The following GAS2 variants were observed in gnomAD, a reference collection of about 807,000 sequenced individuals.
The protein encoded by GAS2 is growth arrest specific 2, also known as growth arrest-specific protein 2.
GAS2 carries 20 observed loss-of-function variants against 37.5 expected under a neutral mutation model. That is an observed-to-expected ratio of 0.53 (90% confidence interval 0.37 to 0.77). The LOEUF is 0.77. Ranked by LOEUF, GAS2 falls within the 30% of genes least tolerant of loss-of-function variation. The pLI is 0.00. For synonymous variants in GAS2, 144 were observed against 132.2 expected, an observed-to-expected ratio of 1.09 and a Z score of -0.61; for missense variants, 336 against 373.4, an observed-to-expected ratio of 0.90 and a Z score of 0.82.
intron 1 of GAS2, among the ~76,000 whole-genome samples, chr11:22,633,740 A>T (rs1239359736): frequency 6.6e-6 from 1 of 152,190 alleles, no homozygotes; most frequent in Non-Finnish European, 1.5e-5. Flanking sequence ...CCAGCAGGAA[A>T]GTGATCCAAC....
chr11:22,709,184 A>T (rs1851273901), intron 3 of GAS2, among the ~76,000 whole-genome samples: 1 of 149,754 alleles, frequency 6.7e-6, no homozygotes, highest in Non-Finnish European at 1.5e-5. Flanking sequence ...TGTAGAACTC[A>T]GAGGTGAATG....
chr11:22,754,236 ATATC>A (rs1853897598), intron 6 of GAS2, among the ~76,000 whole-genome samples: 1 of 152,020 alleles, frequency 6.6e-6, no homozygotes, highest in Admixed American at 6.6e-5. Flanking sequence ...ATGTTCTTAT[ATATC>A]TATTTAGTCA....
chr11:22,749,336 G>C (rs916752533), intron 6 of GAS2, 75 bp downstream of exon 6: 5 of 1,338,908 alleles, frequency 3.7e-6, no homozygotes, highest in Admixed American at 2.1e-5. Context: ...GTGCAATCTC[G>C]TATCAGTCTA....
At chr11:22,661,676 G>C (rs1848917650), upstream of GAS2, among the ~76,000 whole-genome samples, 1 of 152,160 alleles carries the variant, frequency 6.6e-6, no homozygotes, top group Non-Finnish European at 1.5e-5. Flanking sequence ...TTAGCATGAG[G>C]AAAGGCATGG....
intron 2 of GAS2, among the ~76,000 whole-genome samples, chr11:22,677,540 T>C (rs1849485351): frequency 6.6e-6 from 1 of 152,240 alleles, no homozygotes; most frequent in South Asian, 2.1e-4. Context: ...AGTCTGCTTA[T>C]ACAGGTATGC....
At chr11:22,679,202 G>A (rs945224392) in intron 2 of GAS2, among the ~76,000 whole-genome samples, 2 of 151,980 alleles carry the variant, frequency 1.3e-5, no homozygotes, top group African/African-American at 4.8e-5. Flanking sequence ...GCACCATGGA[G>A]CAGTTTTGTG....
At chr11:22,781,621 C>G (rs1855558885) in intron 7 of GAS2, among the ~76,000 whole-genome samples, 1 of 152,122 alleles carries the variant, frequency 6.6e-6, no homozygotes, top group Non-Finnish European at 1.5e-5. Flanking sequence ...TAGATTTTCA[C>G]TGGGAACCTT....
At chr11:22,649,254 C>G (rs2030769857) in intron 1 of GAS2, among the ~76,000 whole-genome samples, 1 of 152,108 alleles carries the variant, frequency 6.6e-6, no homozygotes, top group African/African-American at 2.4e-5. Flanking sequence ...GCCTTGCATC[C>G]CAGAGATGAA....
At position 22,735,224 on chromosome 11, in the gene GAS2, C is replaced by CTTTTT. The variant is rs397750049; in HGVS notation, c.410-2465_410-2461dup. On this transcript the variant is annotated intron_variant, in intron 4 of 7. Transcript: ENST00000454584. ...CATTGCTTGCTGGTCACCAATCATT[C>CTTTTT]TTTTTTTTTTTTTTTTTTTTGGTCC... 3.7e-3 allele frequency among the ~76,000 whole-genome samples: 397 copies of CTTTTT among 108,298 alleles called. 2 individuals carry two copies. Among genetic ancestry groups the CTTTTT allele is most frequent in the Middle Eastern group, 0.015 (2 of 132 alleles). 71.0% of individuals were successfully genotyped at this position (108,298 alleles called of 152,430 possible). A position where few individuals can be genotyped will look rare whatever the true frequency, so the allele number is the denominator to read the frequency against.
intron 4 of GAS2, among the ~76,000 whole-genome samples, chr11:22,729,766 A>AT (rs1222424735): frequency 6.6e-6 from 1 of 151,682 alleles, no homozygotes; most frequent in Non-Finnish European, 1.5e-5. Flanking sequence ...CTAAAGGTAG[A>AT]TTTTAGCTAT....
intron 3 of GAS2, among the ~76,000 whole-genome samples, chr11:22,703,210 A>G (rs1368092075): frequency 6.6e-6 from 1 of 152,140 alleles, no homozygotes; most frequent in Non-Finnish European, 1.5e-5. Flanking sequence ...TTCCATGATG[A>G]CATCATCCCT....
intron 7 of GAS2, among the ~76,000 whole-genome samples, chr11:22,764,008 C>G (rs1854537472): frequency 6.6e-6 from 1 of 152,158 alleles, no homozygotes; most frequent in Non-Finnish European, 1.5e-5. Context: ...GTAATTTACA[C>G]TTTGGTAAAA....
intron 5 of GAS2, among the ~76,000 whole-genome samples, chr11:22,740,850 A>G (rs1853035788): frequency 6.6e-6 from 1 of 152,212 alleles, no homozygotes; most frequent in South Asian, 2.1e-4. Flanking sequence ...AACAGTTTTA[A>G]GCAGAACTAG....
intron 3 of GAS2, among the ~76,000 whole-genome samples, chr11:22,713,865 G>A (rs2134096652): frequency 6.6e-6 from 1 of 152,186 alleles, no homozygotes; most frequent in Non-Finnish European, 1.5e-5. Context: ...CCTAAATCTT[G>A]AAACAAAACC....
chr11:22,708,718 G>A (rs890520988), intron 3 of GAS2, among the ~76,000 whole-genome samples: 6 of 152,170 alleles, frequency 3.9e-5, no homozygotes, highest in African/African-American at 1.2e-4. Flanking sequence ...TAGGAATAAG[G>A]TGGTGAACAA....
In GAS2 at chr11:22,708,332, G is replaced by A. The variant is rs371861273; in HGVS notation, c.268-17960G>A. 5.3e-5 allele frequency among the ~76,000 whole-genome samples: 8 copies of A among 152,048 alleles called. No homozygotes were observed. In the East Asian group the frequency reaches 9.6e-4, roughly 18 times the overall value. On this transcript the variant is annotated intron_variant, in intron 3 of 7. Coordinates refer to ENST00000454584, the MANE Select transcript of GAS2 (RefSeq NM_001143830.3). Reference sequence around the variant, plus strand: ...ATCCCCAAATTTTCATTGGCACCCCGGACTAAATTTTATTTAAATTAGTTT... The same window carrying A: ...ATCCCCAAATTTTCATTGGCACCCCAGACTAAATTTTATTTAAATTAGTTT...
chr11:22,742,602 A>G (rs1407773141), intron 5 of GAS2, among the ~76,000 whole-genome samples: 1 of 152,102 alleles, frequency 6.6e-6, no homozygotes, highest in African/African-American at 2.4e-5. Context: ...CAATATAAGC[A>G]GAGATTTGGG....
chr11:22,690,048 A>G (rs1366012471), intron 3 of GAS2, among the ~76,000 whole-genome samples: 1 of 152,218 alleles, frequency 6.6e-6, no homozygotes, highest in Non-Finnish European at 1.5e-5. Flanking sequence ...ATTTTTTTCT[A>G]GCAGCTTTAA....
intron 3 of GAS2, among the ~76,000 whole-genome samples, chr11:22,714,140 A>C (rs958474612): frequency 2.0e-5 from 3 of 152,144 alleles, no homozygotes; most frequent in Admixed American, 6.5e-5. Flanking sequence ...TCATCTAACA[A>C]ATAAGTACTC....
Sources: allele counts gnomAD v4.1 joint callset (sites outside exome capture counted in the v4.1 genomes callset), GRCh38; gene constraint gnomAD v4.1.1; transcripts MANE v1.5; gene names NCBI Gene and HGNC (gene_info 2026-07-23, HGNC 2026-07-21).